The following SPATA13 variants were observed in gnomAD, a reference collection of about 807,000 sequenced individuals.
The protein encoded by SPATA13 is spermatogenesis associated 13, also known as spermatogenesis-associated protein 13.
In SPATA13, 50 loss-of-function variants were observed where a neutral mutation model predicts 104.0. The observed-to-expected ratio is 0.48, with a 90% CI of 0.38 to 0.61. The LOEUF (loss-of-function observed/expected upper bound fraction) is 0.61. SPATA13 is among the 20% of genes least tolerant of loss of function. The pLI is 0.00. For missense variants in SPATA13, 1,524 were observed against 1,690.6 expected (o/e 0.90, Z 1.73); for synonymous variants, 606 against 667.5 (o/e 0.91, Z 1.42).
chr13:24,123,088 C>G, intron 3 of SPATA13: 1 of 980,490 alleles, frequency 1.0e-6, no homozygotes, highest in South Asian at 1.3e-5. Flanking sequence ...GTAAATTCTT[C>G]ACTATATTCA....
intron 8 of SPATA13, among the ~76,000 whole-genome samples, chr13:24,289,756 A>G (rs986853637): frequency 3.7e-4 from 57 of 152,186 alleles, no homozygotes; most frequent in African/African-American, 1.3e-3. Flanking sequence ...ATCATTTTTT[A>G]ACTTATGATT....
chr13:24,019,757 G>A (rs1440184811), intron 3 of SPATA13, among the ~76,000 whole-genome samples: 1 of 152,172 alleles, frequency 6.6e-6, no homozygotes. Context: ...ATCCTAGGCA[G>A]CTTAGGGCTC....
At chr13:24,285,130 G>A (rs780232013) in intron 5 of SPATA13, among the ~76,000 whole-genome samples, 1 of 152,112 alleles carries the variant, frequency 6.6e-6, no homozygotes, top group East Asian at 1.9e-4. Context: ...GATGTGTATC[G>A]TTGGGCGCTA....
At chr13:24,085,113 T>C (rs965096630) in intron 3 of SPATA13, among the ~76,000 whole-genome samples, 1 of 152,094 alleles carries the variant, frequency 6.6e-6, no homozygotes. Context: ...TGTAGGGCCC[T>C]GTTCTGTGCT....
chr13:24,276,716 T>C (rs1875010051), intron 4 of SPATA13, among the ~76,000 whole-genome samples: 3 of 150,744 alleles, frequency 2.0e-5, no homozygotes, highest in Admixed American at 2.0e-4. Flanking sequence ...GTGACATACA[T>C]TTTGAGAATT....
At chr13:24,242,137 C>T (rs74040445) in intron 2 of SPATA13, among the ~76,000 whole-genome samples, 12,731 of 151,520 alleles carry the variant, frequency 0.084, 583 homozygotes, top group Middle Eastern at 0.11. Context: ...GAATTTACTC[C>T]ATGAAACAAA....
chr13:24,246,875 G>A (rs1380185637), intron 2 of SPATA13, among the ~76,000 whole-genome samples: 1 of 152,068 alleles, frequency 6.6e-6, no homozygotes, highest in Non-Finnish European at 1.5e-5. Context: ...AAAAAAAAGT[G>A]ACTCAAGGAG....
At position 24,190,331 on chromosome 13, in the gene SPATA13, AT is replaced by A. The variant is rs1230349335; in HGVS notation, c.-112+29401del. On this transcript the variant is annotated intron_variant, in intron 1 of 12. Transcript: ENST00000382108. ...TATATAATATATAATATTATATATT[AT>A]TATATATAATATATAATATTATATA... 3.7e-4 allele frequency among the ~76,000 whole-genome samples: 2 copies of A among 5,346 alleles called. 1 individual carries two copies. Among genetic ancestry groups the A allele is most frequent in the African/African-American group, 3.9e-4 (2 of 5,176 alleles). The allele number at this position is 5,346 out of a possible 152,430, so 3.5% of individuals were successfully genotyped here. A position where few individuals can be genotyped will look rare whatever the true frequency, so the allele number is the denominator to read the frequency against.
chr13:24,072,053 G>A (rs1879180410), intron 3 of SPATA13, among the ~76,000 whole-genome samples: 1 of 152,110 alleles, frequency 6.6e-6, no homozygotes, highest in Non-Finnish European at 1.5e-5. Context: ...TAAAAGAAGT[G>A]CACATGTCCA....
intron 2 of SPATA13, among the ~76,000 whole-genome samples, chr13:24,014,124 G>T (rs1451211286): frequency 6.6e-6 from 1 of 152,200 alleles, no homozygotes; most frequent in South Asian, 2.1e-4. Flanking sequence ...GGTCAGCAGG[G>T]CCATGCTCCT....
intron 1 of SPATA13, among the ~76,000 whole-genome samples, chr13:24,221,518 AC>A (rs1871586835): frequency 6.6e-6 from 1 of 151,982 alleles, no homozygotes; most frequent in African/African-American, 2.4e-5. Flanking sequence ...AGGGCCATGG[AC>A]CCAGGTGTGG....
chr13:24,285,461 T>G (rs1476497294), intron 5 of SPATA13, among the ~76,000 whole-genome samples: 1 of 152,152 alleles, frequency 6.6e-6, no homozygotes. Flanking sequence ...GACCTGCTGC[T>G]AAGTGAGCAG....
intron 4 of SPATA13, among the ~76,000 whole-genome samples, chr13:24,278,181 C>A: frequency 6.6e-6 from 1 of 152,160 alleles, no homozygotes; most frequent in East Asian, 1.9e-4. Context: ...TTTTTAATAT[C>A]ATTTTGTCTT....
At chr13:24,206,814 C>T (rs1246130923) in intron 1 of SPATA13, among the ~76,000 whole-genome samples, 1 of 151,880 alleles carries the variant, frequency 6.6e-6, no homozygotes, top group African/African-American at 2.4e-5. Context: ...ATCACTTGAA[C>T]CCAGGGGGCA....
At chr13:24,153,048 G>A (rs1319401619) in intron 3 of SPATA13, among the ~76,000 whole-genome samples, 3 of 152,240 alleles carry the variant, frequency 2.0e-5, no homozygotes, top group African/African-American at 4.8e-5. Flanking sequence ...AAATGTCTAT[G>A]TTACGTCTGT....
chr13:24,140,578 T>A (rs1299908344), intron 3 of SPATA13, among the ~76,000 whole-genome samples: 2 of 152,190 alleles, frequency 1.3e-5, no homozygotes, highest in Non-Finnish European at 2.9e-5. Context: ...ACGTTCCTCT[T>A]CAAAGCTCAG....
intron 1 of SPATA13, among the ~76,000 whole-genome samples, chr13:24,211,217 T>G (rs1364071801): frequency 6.6e-6 from 1 of 152,216 alleles, no homozygotes; most frequent in Non-Finnish European, 1.5e-5. Flanking sequence ...CTATTTAACT[T>G]CTTCCTTTCT....
intron 2 of SPATA13, among the ~76,000 whole-genome samples, chr13:23,989,559 A>G (rs1875311470): frequency 6.6e-6 from 1 of 152,230 alleles, no homozygotes; most frequent in Non-Finnish European, 1.5e-5. Flanking sequence ...AGCTAACTGC[A>G]TACTGGAAAA....
At position 24,223,515 on chromosome 13, in the gene SPATA13, A is replaced by G; in HGVS notation, c.586A>G (p.Ser196Gly). 1 of 1,548,392 alleles carries G rather than the reference A, an allele frequency of 6.5e-7. No homozygotes were observed. Among genetic ancestry groups the G allele is most frequent in the Middle Eastern group, 1.7e-4 (1 of 5,992 alleles). Residue 196 changes from serine to glycine, a missense_variant, in exon 2 of 13, where the codon AGC (serine) becomes GGC (glycine). This residue lies in a region of SPATA13 where 1,089 missense variants were observed against 1,135.9 expected (regional missense o/e 0.96). Coordinates refer to ENST00000382108, the MANE Select transcript of SPATA13 (RefSeq NM_001166271.3). ...GGACACGGACGATGCCTTCCAGCGGAGCACACACCGCTCCCGCAGCCTCCG... is the reference window on the plus strand; with the variant it reads ...GGACACGGACGATGCCTTCCAGCGGGGCACACACCGCTCCCGCAGCCTCCG... ...LEDTDDAFQR[S>G]THRSRSLRRA...
Sources: gnomAD v4.1 joint callset for allele counts (sites outside exome capture counted in the v4.1 genomes callset) on GRCh38, gnomAD v4.1.1 for gene constraint, gnomAD v4.1.1 regional missense constraint, MANE v1.5 for transcripts, NCBI Gene and HGNC (gene_info 2026-07-23, HGNC 2026-07-21) for gene names.